The following SGK1 variants were observed in gnomAD, a reference collection of about 807,000 sequenced individuals.
The protein encoded by SGK1 is serum/glucocorticoid regulated kinase 1.
A neutral mutation model predicts 64.2 loss-of-function variants in SGK1; 26 were observed. The observed-to-expected ratio is 0.40, with a 90% confidence interval of 0.30 to 0.56. The LOEUF is 0.56. SGK1 is among the 20% of genes least tolerant of loss of function. The pLI, the probability that SGK1 is intolerant of heterozygous loss-of-function variation, is 0.38. For synonymous variants in SGK1, 265 were observed against 239.7 expected (o/e 1.11, Z -0.98); for missense variants, 519 against 645.6 (o/e 0.80, Z 2.12).
chr6:134,259,010 G>C (rs1218648543), intron 2 of SGK1, among the ~76,000 whole-genome samples: 1 of 151,996 alleles, frequency 6.6e-6, no homozygotes, highest in African/African-American at 2.4e-5. Context: ...ATAAAATAAA[G>C]TATGTGTCAT....
At chr6:134,264,879 C>T (rs951186277) in intron 1 of SGK1, among the ~76,000 whole-genome samples, 8 of 152,126 alleles carry the variant, frequency 5.3e-5, no homozygotes, top group African/African-American at 1.9e-4. Flanking sequence ...AACTCCTGGC[C>T]TTAGGCGATC....
intron 1 of SGK1, among the ~76,000 whole-genome samples, chr6:134,266,290 G>A (rs1776853961): frequency 6.6e-6 from 1 of 151,942 alleles, no homozygotes. Context: ...TGGCCTATAT[G>A]TACTCTTTTC....
intron 3 of SGK1, among the ~76,000 whole-genome samples, chr6:134,186,541 T>A (rs188198079): frequency 1.3e-5 from 2 of 152,208 alleles, no homozygotes; most frequent in Non-Finnish European, 2.9e-5. Flanking sequence ...CAGTGCTTGG[T>A]TCTGTAACTG....
intron 2 of SGK1, among the ~76,000 whole-genome samples, chr6:134,244,972 C>T (rs555109846): frequency 5.3e-5 from 8 of 152,268 alleles, no homozygotes; most frequent in Non-Finnish European, 8.8e-5. Flanking sequence ...GACGGGGTTT[C>T]GCCATGTTGG....
intron 2 of SGK1, among the ~76,000 whole-genome samples, chr6:134,244,373 A>G (rs978690261): frequency 6.6e-6 from 1 of 152,132 alleles, no homozygotes; most frequent in South Asian, 2.1e-4. Flanking sequence ...TCTAACATTG[A>G]TGGGCATTTG....
chr6:134,211,923 C>T lies in SGK1; in HGVS notation c.286-4492G>A, dbSNP rs116239280. Among the ~76,000 whole-genome samples, 643 of 151,686 alleles carry T rather than the reference C, an allele frequency of 4.2e-3. 7 individuals carry two copies. Among genetic ancestry groups the T allele is most frequent in the African/African-American group, 0.015 (623 of 41,342 alleles). Reference sequence around the variant, plus strand: ...AAATCCCTCCTACCTGACTAAGCAGCCTCAGTATGAATCCCTTCTCAGGAT... The same window carrying T: ...AAATCCCTCCTACCTGACTAAGCAGTCTCAGTATGAATCCCTTCTCAGGAT... On this transcript the variant is annotated intron_variant, in intron 2 of 13. Transcript: ENST00000367858.
At chr6:134,296,788 A>C (rs554016803) in intron 1 of SGK1, among the ~76,000 whole-genome samples, 11 of 151,740 alleles carry the variant, frequency 7.2e-5, no homozygotes, top group Non-Finnish European at 5.9e-5. Context: ...AAAAAAAAAA[A>C]AAAAAAAAAA....
At position 134,317,712 on chromosome 6, in the gene SGK1, T is replaced by G. The variant is rs541697774; in HGVS notation, c.-252A>C. The G allele has an allele frequency of 9.0e-4, 417 of 461,762 alleles. 2 individuals are homozygous for G. Among genetic ancestry groups the G allele is most frequent in the African/African-American group, 7.7e-3 (390 of 50,666 alleles). The allele number at this position is 461,762 out of a possible 1,614,324, so 28.6% of individuals were successfully genotyped here. Reference sequence around the variant, plus strand: ...TGCTCCGAAACATATGCATCACCGCTGCAGGACCCTGGGGGCCGGACGGTG... The same window carrying G: ...TGCTCCGAAACATATGCATCACCGCGGCAGGACCCTGGGGGCCGGACGGTG... On this transcript the variant is annotated 5_prime_UTR_variant, in exon 1 of 14. Transcript: ENST00000367858.
In SGK1 at chr6:134,306,422, CA is replaced by C. The variant is rs879935402; in HGVS notation, c.69+10969del. Among the ~76,000 whole-genome samples the C allele has an allele frequency of 1.1e-4, 17 of 148,412 alleles. No homozygotes were observed. The East Asian group carries it at 3.0e-3, about 26-fold the overall frequency. ...TGAGCAACAGAGTGAGACTCCGTTT[CA>C]AAAAAAAAGAAAAAACACACAAGGA... On this transcript the variant is annotated intron_variant, in intron 1 of 13. Transcript: ENST00000367858.
At position 134,259,072 on chromosome 6, in the gene SGK1, A is replaced by T. The variant is rs148411936; in HGVS notation, c.285+2861T>A. Among the ~76,000 whole-genome samples, 645 of 152,330 alleles carry T rather than the reference A, an allele frequency of 4.2e-3. 7 individuals are homozygous for T. The highest frequency in any genetic ancestry group is 0.015 in the African/African-American group (604 of 41,568). Reference sequence around the variant, plus strand: ...AGCCAGCAAAGTCTGGGAACCAGGTAATCGATTGCAAATTGGAGAATGATT... The same window carrying T: ...AGCCAGCAAAGTCTGGGAACCAGGTTATCGATTGCAAATTGGAGAATGATT... On this transcript the variant is annotated intron_variant, in intron 2 of 13. Transcript: ENST00000367858.
intron 1 of SGK1, among the ~76,000 whole-genome samples, chr6:134,295,247 G>A (rs1777328819): frequency 6.6e-6 from 1 of 152,152 alleles, no homozygotes; most frequent in Non-Finnish European, 1.5e-5. Flanking sequence ...GGAAGGAGAA[G>A]CAGGAGAAAG....
intron 3 of SGK1, among the ~76,000 whole-genome samples, chr6:134,197,978 G>A (rs1297655395): frequency 6.6e-6 from 1 of 151,996 alleles, no homozygotes; most frequent in African/African-American, 2.4e-5. Flanking sequence ...ATTTATGGGT[G>A]AACATCCACA....
At chr6:134,176,456 C>CGGCTGG (rs1179322726) in intron 3 of SGK1, among the ~76,000 whole-genome samples, 1 of 152,226 alleles carries the variant, frequency 6.6e-6, no homozygotes, top group Non-Finnish European at 1.5e-5. Context: ...AGTAACCCCG[C>CGGCTGG]GGCTGGGGGA....
chr6:134,265,411 G>C lies in SGK1; in HGVS notation c.70-3263C>G, dbSNP rs145146638. Among the ~76,000 whole-genome samples, 1,498 of 151,572 alleles carry C rather than the reference G, an allele frequency of 9.9e-3. 30 individuals are homozygous for C. Among genetic ancestry groups the C allele is most frequent in the African/African-American group, 0.034 (1,420 of 41,314 alleles). ...GGAGGTGGAGGTTGTGGTGAACCAA[G>C]ATCATGCCATTGCACTCCAGCCTGG... is the stretch of plus-strand genomic sequence containing the variant. On this transcript the variant is annotated intron_variant, in intron 1 of 13. Coordinates refer to ENST00000367858, the MANE Select transcript of SGK1 (RefSeq NM_001143676.3).
intron 1 of SGK1, among the ~76,000 whole-genome samples, chr6:134,315,524 T>C (rs1777668864): frequency 6.6e-6 from 1 of 152,204 alleles, no homozygotes; most frequent in Non-Finnish European, 1.5e-5. Flanking sequence ...CAAAACCAAA[T>C]GGCAAATTAG....
intron 1 of SGK1, among the ~76,000 whole-genome samples, chr6:134,278,706 T>C (rs1317476024): frequency 6.6e-6 from 1 of 152,106 alleles, no homozygotes; most frequent in East Asian, 1.9e-4. Context: ...CAAAAAGATA[T>C]CTATGAAGTA....
At position 134,193,981 on chromosome 6, in the gene SGK1, T is replaced by C. The variant is rs927169239; in HGVS notation, c.361+13375A>G. On this transcript the variant is annotated intron_variant, in intron 3 of 13. Transcript: ENST00000367858. ...CAACCTTGGACAGGAGTCCGTCCCA[T>C]CCTCAAGGCACACTCACACTCACAC... Among the ~76,000 whole-genome samples the C allele has an allele frequency of 2.0e-5, 3 of 151,826 alleles. No individual in the cohort carries two copies. In the East Asian group the frequency reaches 5.8e-4, roughly 29 times the overall value.
intron 3 of SGK1, among the ~76,000 whole-genome samples, chr6:134,184,610 AGTTTT>A (rs1409935830): frequency 6.6e-6 from 1 of 151,314 alleles, no homozygotes; most frequent in Non-Finnish European, 1.5e-5. Context: ...TCTGCATATT[AGTTTT>A]ATTATGTGAC....
chr6:134,206,366 TATATATATATATATA>T (rs563855142), intron 3 of SGK1, among the ~76,000 whole-genome samples: 108 of 8,452 alleles, frequency 0.013, 1 homozygote, highest in African/African-American at 0.018. Flanking sequence ...TATATATATA[TATATATATATATATA>T]TATTTTTTTT....
Sources: gnomAD v4.1 joint callset for allele counts (sites outside exome capture counted in the v4.1 genomes callset) on GRCh38, gnomAD v4.1.1 for gene constraint, MANE v1.5 for transcripts, NCBI Gene and HGNC (gene_info 2026-07-23, HGNC 2026-07-21) for gene names.